Variants in SARNP observed in about 807,000 individuals in gnomAD.
The protein encoded by SARNP is SAP domain-containing ribonucleoprotein.
Under a neutral mutation model 38.1 loss-of-function variants are expected in SARNP, and 5 were observed. That is an observed-to-expected ratio of 0.13 (90% CI 0.07 to 0.28). The LOEUF (loss-of-function observed/expected upper bound fraction) is 0.28. Among genes scored for constraint, SARNP ranks in the 10% least tolerant of loss-of-function variants. The pLI, the probability that SARNP is intolerant of heterozygous loss-of-function variation, is 1.00. For missense variants in SARNP, 180 were observed against 243.9 expected, an observed-to-expected ratio of 0.74 and a Z score of 1.75; for synonymous variants, 84 against 80.6, an observed-to-expected ratio of 1.04 and a Z score of -0.23.
intron 9 of SARNP, among the ~76,000 whole-genome samples, chr12:55,777,969 G>A (rs1879231019): frequency 6.6e-6 from 1 of 152,144 alleles, no homozygotes; most frequent in African/African-American, 2.4e-5. Context: ...TGACATCATT[G>A]ATTGGAACCA....
intron 9 of SARNP, among the ~76,000 whole-genome samples, chr12:55,761,218 A>G (rs1878666271): frequency 6.6e-6 from 1 of 152,060 alleles, no homozygotes; most frequent in Non-Finnish European, 1.5e-5. Context: ...AGAAACACCC[A>G]TAAAACAAAT....
chr12:55,784,002 T>C (rs1879414472), intron 9 of SARNP, among the ~76,000 whole-genome samples: 1 of 152,154 alleles, frequency 6.6e-6, no homozygotes, highest in African/African-American at 2.4e-5. Context: ...ACTTCCTCCC[T>C]TTATTCATAT....
At chr12:55,814,219 G>A (rs1880416476) in intron 1 of SARNP, among the ~76,000 whole-genome samples, 4 of 152,098 alleles carry the variant, frequency 2.6e-5, no homozygotes, top group South Asian at 2.1e-4. Flanking sequence ...AATCCCATCC[G>A]CCAAGAGAAT....
At chr12:55,815,947 A>T (rs1444501753) in intron 1 of SARNP, 2 of 152,282 alleles carry the variant, frequency 1.3e-5, no homozygotes. Context: ...GCTCTAGAGA[A>T]AAAGCAAAGA....
intron 9 of SARNP, among the ~76,000 whole-genome samples, chr12:55,776,381 A>G (rs1225974232): frequency 6.6e-6 from 1 of 152,172 alleles, no homozygotes; most frequent in Non-Finnish European, 1.5e-5. Flanking sequence ...GCAGTGAGCC[A>G]TGATCTGGGA....
At chr12:55,781,543 A>AAAAAAC (rs1555172410) in intron 9 of SARNP, among the ~76,000 whole-genome samples, 13 of 151,850 alleles carry the variant, frequency 8.6e-5, no homozygotes, top group Non-Finnish European at 1.6e-4. Flanking sequence ...CAAAAAAAAA[A>AAAAAAC]AAAAACAAAA....
chr12:55,762,787 G>C (rs1363834541), intron 9 of SARNP, among the ~76,000 whole-genome samples: 1 of 152,154 alleles, frequency 6.6e-6, no homozygotes, highest in Non-Finnish European at 1.5e-5. Context: ...AGTTGTCTTT[G>C]TCCCTGTGGC....
intron 1 of SARNP, among the ~76,000 whole-genome samples, chr12:55,813,539 A>AT (rs11412761): frequency 0.86 from 93,373 of 108,362 alleles, 41,517 homozygotes; most frequent in Non-Finnish European, 0.95. Context: ...GCTGCCTGGA[A>AT]TTTTTTTTTT....
intron 2 of SARNP, among the ~76,000 whole-genome samples, chr12:55,803,331 A>G (rs1027509545): frequency 1.3e-5 from 2 of 152,010 alleles, no homozygotes; most frequent in Non-Finnish European, 2.9e-5. Context: ...TAAAAATACA[A>G]AAATCAGCCA....
intron 9 of SARNP, chr12:55,760,917 C>CT (rs939162393): frequency 3.2e-6 from 1 of 312,492 alleles, no homozygotes; most frequent in African/African-American, 2.1e-5. Context: ...TGACTCACAC[C>CT]TGTAATCCTA....
intron 1 of SARNP, among the ~76,000 whole-genome samples, chr12:55,813,745 T>C (rs1354573462): frequency 6.6e-6 from 1 of 152,062 alleles, no homozygotes; most frequent in African/African-American, 2.4e-5. Context: ...GGTTTCTCCA[T>C]GTTGGTCAGG....
chr12:55,788,996 A>T (rs958574516), intron 9 of SARNP, 79 bp downstream of exon 9: 2 of 885,686 alleles, frequency 2.3e-6, no homozygotes, highest in Admixed American at 4.7e-5. Flanking sequence ...CATTCTCAGG[A>T]GGGTCATTTC....
intron 9 of SARNP, among the ~76,000 whole-genome samples, chr12:55,763,048 T>G (rs1406598748): frequency 6.6e-6 from 1 of 152,194 alleles, no homozygotes; most frequent in East Asian, 1.9e-4. Flanking sequence ...TAATCACAGT[T>G]TATTACTAGA....
chr12:55,782,735 T>C (rs1472011619), intron 9 of SARNP, among the ~76,000 whole-genome samples: 1 of 152,140 alleles, frequency 6.6e-6, no homozygotes, highest in Non-Finnish European at 1.5e-5. Context: ...CACAGGCATG[T>C]GCCACACTGC....
intron 6 of SARNP, among the ~76,000 whole-genome samples, 199 bp downstream of exon 6, chr12:55,794,608 A>G (rs1283722288): frequency 6.6e-6 from 1 of 152,056 alleles, no homozygotes; most frequent in Non-Finnish European, 1.5e-5. Context: ...TGTTACAAAA[A>G]CCCTTCTCAA....
At chr12:55,759,510 A>C (rs1055974010) in intron 10 of SARNP, among the ~76,000 whole-genome samples, 4 of 151,288 alleles carry the variant, frequency 2.6e-5, no homozygotes, top group African/African-American at 9.7e-5. Flanking sequence ...TCCCGGTTTC[A>C]AGAGATTCTC....
At chr12:55,761,099 C>G (rs1342649741) in intron 9 of SARNP, among the ~76,000 whole-genome samples, 1 of 152,028 alleles carries the variant, frequency 6.6e-6, no homozygotes, top group Non-Finnish European at 1.5e-5. Context: ...CTGCTTGAAC[C>G]TGGGAGGCAG....
intron 1 of SARNP, among the ~76,000 whole-genome samples, chr12:55,814,081 A>G (rs1565685487): frequency 6.6e-6 from 1 of 152,248 alleles, no homozygotes; most frequent in Non-Finnish European, 1.5e-5. Context: ...ATTAAATAAA[A>G]TAAGGCCACA....
At chr12:55,816,564 C>T (rs1343411589) in intron 1 of SARNP, among the ~76,000 whole-genome samples, 1 of 152,084 alleles carries the variant, frequency 6.6e-6, no homozygotes, top group Non-Finnish European at 1.5e-5. Flanking sequence ...TCTCCCTACC[C>T]TTACTACCCT....
Sources: allele counts gnomAD v4.1 joint callset (sites outside exome capture counted in the v4.1 genomes callset), GRCh38; gene constraint gnomAD v4.1.1; transcripts MANE v1.5; gene names NCBI Gene and HGNC (gene_info 2026-07-23, HGNC 2026-07-21).